Variants in DAB1 observed in about 807,000 individuals in gnomAD.
DAB1 encodes the protein disabled homolog 1.
In DAB1, 15 loss-of-function variants were observed where a neutral mutation model predicts 64.6. That is an observed-to-expected ratio of 0.23 (90% CI 0.16 to 0.36). DAB1 has a LOEUF of 0.36. Ranked by LOEUF, DAB1 falls within the 10% of genes least tolerant of loss-of-function variation. The pLI, the probability that DAB1 is intolerant of heterozygous loss-of-function variation, is 1.00. For synonymous variants in DAB1, 235 were observed against 251.9 expected (o/e 0.93, Z 0.64); for missense variants, 596 against 706.7 (o/e 0.84, Z 1.78).
intron 5 of DAB1, among the ~76,000 whole-genome samples, chr1:57,960,032 C>T (rs1645480497): frequency 6.6e-6 from 1 of 152,196 alleles, no homozygotes; most frequent in African/African-American, 2.4e-5. Context: ...TATGCAGCAT[C>T]CTCAGATGCC....
chr1:58,131,415 A>G (rs1653561547), intron 5 of DAB1, among the ~76,000 whole-genome samples: 1 of 144,834 alleles, frequency 6.9e-6, no homozygotes, highest in Non-Finnish European at 1.5e-5. Flanking sequence ...GTCCTCCCAT[A>G]GCTCAGAGTA....
intron 2 of DAB1, among the ~76,000 whole-genome samples, chr1:58,517,045 A>C (rs1646168417): frequency 6.6e-6 from 1 of 152,242 alleles, no homozygotes; most frequent in African/African-American, 2.4e-5. Flanking sequence ...GTCCAAAAAA[A>C]GGATACAAGC....
chr1:58,453,650 C>T (rs896592789), intron 3 of DAB1, among the ~76,000 whole-genome samples: 5 of 152,222 alleles, frequency 3.3e-5, no homozygotes, highest in African/African-American at 1.2e-4. Flanking sequence ...GGATGCCATC[C>T]TTGCCTCTGC....
chr1:57,544,071 C>T (rs938091406), intron 7 of DAB1, among the ~76,000 whole-genome samples: 1 of 152,096 alleles, frequency 6.6e-6, no homozygotes, highest in Non-Finnish European at 1.5e-5. Context: ...TCTGATCATA[C>T]CACTACACTC....
chr1:58,240,636 C>T (rs1660252149), intron 4 of DAB1, among the ~76,000 whole-genome samples: 2 of 152,160 alleles, frequency 1.3e-5, no homozygotes, highest in Admixed American at 6.5e-5. Context: ...TGTCCAGCAA[C>T]CTCACTTTCC....
At chr1:57,814,623 A>C (rs145872186) in intron 6 of DAB1, among the ~76,000 whole-genome samples, 73 of 152,304 alleles carry the variant, frequency 4.8e-4, no homozygotes, top group Middle Eastern at 3.4e-3. Context: ...GCCCAAGAGG[A>C]GGCAATTCCA....
intron 2 of DAB1, among the ~76,000 whole-genome samples, chr1:57,205,386 G>T (rs1665453997): frequency 6.6e-6 from 1 of 152,212 alleles, no homozygotes; most frequent in Admixed American, 6.5e-5. Flanking sequence ...TCTACTCTCT[G>T]AGCGTAGCCA....
At chr1:57,452,843 G>A (rs1280409418) in intron 7 of DAB1, among the ~76,000 whole-genome samples, 1 of 151,792 alleles carries the variant, frequency 6.6e-6, no homozygotes, top group Non-Finnish European at 1.5e-5. Flanking sequence ...CAGTAGATGT[G>A]GGAAGAAGGA....
Position 57,010,865 on chromosome 1 carries a change from T to C in DAB1, c.1573-75A>G, listed in dbSNP as rs1646244804. The C allele has an allele frequency of 4.4e-6, 5 of 1,132,670 alleles. No homozygotes were observed. In the East Asian group the frequency reaches 7.3e-5, roughly 17 times the overall value. The allele number at this position is 1,132,670 out of a possible 1,614,324, so 70.2% of individuals were successfully genotyped here. On this transcript the variant is annotated intron_variant, in intron 13 of 14. Coordinates refer to ENST00000371236, the MANE Select transcript of DAB1 (RefSeq NM_001365792.1). ...GAAAATATAAGACACCTGGATATAC[T>C]TTCATGCAGCACAATCAGTTATTGT...
intron 5 of DAB1, among the ~76,000 whole-genome samples, chr1:58,133,699 C>T (rs1183771004): frequency 6.6e-6 from 1 of 152,160 alleles, no homozygotes; most frequent in Non-Finnish European, 1.5e-5. Context: ...GATGAAGTCA[C>T]TAGACAAATG....
intron 1 of DAB1, among the ~76,000 whole-genome samples, chr1:57,369,541 G>T (rs1342082756): frequency 6.6e-6 from 1 of 152,094 alleles, no homozygotes; most frequent in African/African-American, 2.4e-5. Context: ...CCTACAAAGT[G>T]GTTATAGAGG....
intron 5 of DAB1, among the ~76,000 whole-genome samples, chr1:58,042,480 C>T (rs969725657): frequency 6.6e-6 from 1 of 152,112 alleles, no homozygotes; most frequent in Non-Finnish European, 1.5e-5. Flanking sequence ...CTACTACATG[C>T]CAGCCTTTCA....
chr1:57,415,263 A>ACC (rs1237705964), intron 1 of DAB1, among the ~76,000 whole-genome samples: 1 of 145,824 alleles, frequency 6.9e-6, no homozygotes, highest in Admixed American at 6.9e-5. Context: ...ACACACACAC[A>ACC]CACACACACA....
At chr1:57,786,385 G>C (rs185083812) in intron 6 of DAB1, among the ~76,000 whole-genome samples, 1 of 152,150 alleles carries the variant, frequency 6.6e-6, no homozygotes, top group East Asian at 1.9e-4. Flanking sequence ...GGCTTACTAT[G>C]TGCCAGGCAC....
At chr1:58,041,239 A>G (rs924644245) in intron 5 of DAB1, among the ~76,000 whole-genome samples, 5 of 152,160 alleles carry the variant, frequency 3.3e-5, no homozygotes, top group African/African-American at 1.2e-4. Flanking sequence ...TGCATATTAC[A>G]GTTGTCAAAT....
intron 1 of DAB1, among the ~76,000 whole-genome samples, chr1:57,851,055 T>G (rs1653501447): frequency 6.6e-6 from 1 of 152,324 alleles, no homozygotes; most frequent in Non-Finnish European, 1.5e-5. Context: ...GCCATCAATA[T>G]ATTTCTTAAT....
chr1:57,670,265 A>G (rs1646495049), intron 6 of DAB1, among the ~76,000 whole-genome samples: 1 of 152,090 alleles, frequency 6.6e-6, no homozygotes, highest in Admixed American at 6.6e-5. Context: ...TGTGCTTGGA[A>G]CACAATGTGG....
chr1:57,641,609 C>T (rs1646131450), intron 7 of DAB1, among the ~76,000 whole-genome samples: 1 of 151,772 alleles, frequency 6.6e-6, no homozygotes, highest in Non-Finnish European at 1.5e-5. Context: ...TGGTCTCGAT[C>T]TTCTGATCAT....
chr1:57,749,493 C>A (rs1648451638), intron 6 of DAB1, among the ~76,000 whole-genome samples: 2 of 152,160 alleles, frequency 1.3e-5, no homozygotes, highest in African/African-American at 4.8e-5. Flanking sequence ...GAAGCCTTGG[C>A]AACACCAGGT....
Sources: gnomAD v4.1 joint callset for allele counts (sites outside exome capture counted in the v4.1 genomes callset) on GRCh38, gnomAD v4.1.1 for gene constraint, MANE v1.5 for transcripts, NCBI Gene and HGNC (gene_info 2026-07-23, HGNC 2026-07-21) for gene names.